The following EDIL3 variants were observed in gnomAD, a reference collection of about 807,000 sequenced individuals.
The protein encoded by EDIL3 is EGF like and discoidin domains 3, also known as EGF-like repeat and discoidin I-like domain-containing protein 3.
Under a neutral mutation model 67.4 loss-of-function variants are expected in EDIL3, and 37 were observed. That is an observed-to-expected ratio of 0.55 (90% CI 0.42 to 0.72). The LOEUF (loss-of-function observed/expected upper bound fraction) is 0.72, where lower values mean the gene tolerates loss of function less well. Ranked by LOEUF, EDIL3 falls within the 30% of genes least tolerant of loss-of-function variation. The pLI, the probability that EDIL3 is intolerant of heterozygous loss-of-function variation, is 0.00. For synonymous variants in EDIL3, 195 were observed against 196.3 expected, an observed-to-expected ratio of 0.99 and a Z score of 0.05; for missense variants, 527 against 586.3, an observed-to-expected ratio of 0.90 and a Z score of 1.04.
intron 9 of EDIL3, among the ~76,000 whole-genome samples, chr5:84,022,062 A>T (rs1745726897): frequency 1.3e-5 from 2 of 151,986 alleles, no homozygotes; most frequent in African/African-American, 4.8e-5. Flanking sequence ...GAGGCATTCT[A>T]TGAGGCCAGT....
At chr5:84,298,446 G>A (rs1746092905) in intron 1 of EDIL3, among the ~76,000 whole-genome samples, 2 of 152,126 alleles carry the variant, frequency 1.3e-5, no homozygotes, top group African/African-American at 2.4e-5. Flanking sequence ...TGGACACGGG[G>A]AGGGGAACAA....
chr5:84,085,288 C>A (rs113729011), intron 6 of EDIL3, among the ~76,000 whole-genome samples: 3 of 152,116 alleles, frequency 2.0e-5, no homozygotes, highest in African/African-American at 7.2e-5. Flanking sequence ...AGCATTTTTG[C>A]GCTGATTTTT....
chr5:84,051,668 GCTTCAC>G (rs1158557217), intron 9 of EDIL3, among the ~76,000 whole-genome samples: 1 of 152,216 alleles, frequency 6.6e-6, no homozygotes, highest in Non-Finnish European at 1.5e-5. Context: ...AAATGCACAA[GCTTCAC>G]TAGCCGATTT....
At chr5:83,973,891 C>T (rs1580260032) in intron 9 of EDIL3, among the ~76,000 whole-genome samples, 1 of 151,952 alleles carries the variant, frequency 6.6e-6, no homozygotes, top group East Asian at 2.0e-4. Context: ...ATAAAACATC[C>T]GCAGAGTAAA....
At chr5:84,125,478 C>T (rs1270458991) in intron 5 of EDIL3, among the ~76,000 whole-genome samples, 2 of 152,032 alleles carry the variant, frequency 1.3e-5, no homozygotes, top group African/African-American at 4.8e-5. Context: ...ATGATAGCGT[C>T]ATATATGTCC....
At chr5:84,117,926 T>G (rs1410688318) in intron 5 of EDIL3, among the ~76,000 whole-genome samples, 2 of 152,086 alleles carry the variant, frequency 1.3e-5, no homozygotes, top group African/African-American at 2.4e-5. Context: ...TCTAAAAAAT[T>G]TTGTACAAAT....
chr5:84,218,943 A>C (rs952326266), intron 3 of EDIL3, among the ~76,000 whole-genome samples: 1 of 152,214 alleles, frequency 6.6e-6, no homozygotes, highest in African/African-American at 2.4e-5. Context: ...ACCCTGAAGC[A>C]AACGACACAA....
rs567457527 is a variant in EDIL3 at position 83,950,772 on chromosome 5, T to G, written c.1294-7204A>C. On this transcript the variant is annotated intron_variant, in intron 10 of 10. Transcript: ENST00000296591. ...TTTCAGTAACAAAAAATCCAACTTCTTTATTCTCCTGTATTTCTTTAATAT... is the reference window on the plus strand; with the variant it reads ...TTTCAGTAACAAAAAATCCAACTTCGTTATTCTCCTGTATTTCTTTAATAT... Among the ~76,000 whole-genome samples, 8 of 151,824 alleles carry G rather than the reference T, an allele frequency of 5.3e-5. No individual in the cohort carries two copies. The South Asian group carries it at 1.7e-3, about 31-fold the overall frequency.
intron 4 of EDIL3, among the ~76,000 whole-genome samples, chr5:84,137,797 T>C (rs1326883788): frequency 6.6e-6 from 1 of 152,216 alleles, no homozygotes; most frequent in African/African-American, 2.4e-5. Flanking sequence ...GACAGAGATG[T>C]TTTAGTTTCT....
chr5:84,202,564 C>T (rs1438120158), intron 3 of EDIL3, among the ~76,000 whole-genome samples: 4 of 151,884 alleles, frequency 2.6e-5, no homozygotes, highest in South Asian at 2.1e-4. Flanking sequence ...TAGAAGGTAA[C>T]GCTAAAGAAA....
chr5:84,353,289 C>G (rs1409958180), intron 1 of EDIL3, among the ~76,000 whole-genome samples: 1 of 152,106 alleles, frequency 6.6e-6, no homozygotes, highest in African/African-American at 2.4e-5. Flanking sequence ...ACTTTTGTGT[C>G]AGCATGAGTA....
chr5:83,979,407 C>T (rs1320468547), intron 9 of EDIL3, among the ~76,000 whole-genome samples: 1 of 152,002 alleles, frequency 6.6e-6, no homozygotes, highest in African/African-American at 2.4e-5. Flanking sequence ...GAATTGCACT[C>T]CTAGACATAT....
At chr5:84,263,414 T>C (rs142762641) in intron 1 of EDIL3, among the ~76,000 whole-genome samples, 1 of 152,232 alleles carries the variant, frequency 6.6e-6, no homozygotes, top group Non-Finnish European at 1.5e-5. Flanking sequence ...CTGAAGTAGG[T>C]TAAAGAATCA....
chr5:84,245,019 T>C (rs924999060), intron 2 of EDIL3, among the ~76,000 whole-genome samples: 1 of 152,326 alleles, frequency 6.6e-6, no homozygotes, highest in African/African-American at 2.4e-5. Context: ...CCAAAGAGGA[T>C]GGGGACTGCT....
intron 1 of EDIL3, among the ~76,000 whole-genome samples, chr5:84,294,065 T>C (rs541795323): frequency 1.3e-5 from 2 of 151,996 alleles, no homozygotes; most frequent in East Asian, 3.9e-4. Flanking sequence ...CCTTCATTAT[T>C]GCATATACCA....
chr5:84,133,338 A>T (rs1459563310), intron 5 of EDIL3, among the ~76,000 whole-genome samples: 3 of 151,612 alleles, frequency 2.0e-5, no homozygotes, highest in East Asian at 3.9e-4. Context: ...AAAAGGAATG[A>T]GGGTCTGCGC....
chr5:84,199,094 TAAG>T (rs1743778621), intron 3 of EDIL3, among the ~76,000 whole-genome samples: 1 of 152,048 alleles, frequency 6.6e-6, no homozygotes, highest in South Asian at 2.1e-4. Flanking sequence ...TATGAGCCCT[TAAG>T]AAAGAAATGT....
intron 1 of EDIL3, among the ~76,000 whole-genome samples, chr5:84,339,410 C>A (rs567285346): frequency 3.3e-5 from 5 of 152,092 alleles, no homozygotes; most frequent in Admixed American, 6.6e-5. Flanking sequence ...ACTTTTATCT[C>A]CTTTAACCTC....
intron 9 of EDIL3, among the ~76,000 whole-genome samples, chr5:83,968,453 A>C (rs1051297464): frequency 1.3e-5 from 2 of 151,964 alleles, no homozygotes; most frequent in Admixed American, 6.6e-5. Flanking sequence ...AAAACCAAAA[A>C]CTCATACCAT....
Sources: gnomAD v4.1 joint callset for allele counts (sites outside exome capture counted in the v4.1 genomes callset) on GRCh38, gnomAD v4.1.1 for gene constraint, MANE v1.5 for transcripts, NCBI Gene and HGNC (gene_info 2026-07-23, HGNC 2026-07-21) for gene names.